The following ADCY8 variants were observed in gnomAD, a reference collection of about 807,000 sequenced individuals.
The protein encoded by ADCY8 is adenylate cyclase 8, also known as adenylate cyclase type 8.
ADCY8 carries 51 observed loss-of-function variants against 119.7 expected under a neutral mutation model. The observed-to-expected ratio is 0.43, with a 90% CI of 0.34 to 0.54. ADCY8 has a LOEUF of 0.54. Among genes scored for constraint, ADCY8 ranks in the 20% least tolerant of loss-of-function variants. The probability of loss-of-function intolerance (pLI) is 0.03; values close to 1 mark genes in which losing one functional copy is unlikely to be tolerated. For missense variants in ADCY8, 1,383 were observed against 1,598.8 expected (o/e 0.87, Z 2.30); for synonymous variants, 665 against 651.0 (o/e 1.02, Z -0.33).
intron 5 of ADCY8, among the ~76,000 whole-genome samples, chr8:130,911,013 CATTT>C (rs1563725468): frequency 1.3e-5 from 2 of 152,128 alleles, no homozygotes; most frequent in Non-Finnish European, 2.9e-5. Flanking sequence ...GTGAGCTATT[CATTT>C]GTCTTTGACA....
At chr8:130,850,571 G>A (rs1423663801) in intron 9 of ADCY8, among the ~76,000 whole-genome samples, 6 of 152,130 alleles carry the variant, frequency 3.9e-5, no homozygotes, top group Admixed American at 3.9e-4. Context: ...AGCCATTCAT[G>A]TTCTACACTG....
At chr8:130,970,234 G>A (rs991814916) in intron 2 of ADCY8, among the ~76,000 whole-genome samples, 3 of 152,142 alleles carry the variant, frequency 2.0e-5, no homozygotes, top group East Asian at 1.9e-4. Context: ...TGGGCAAGCC[G>A]ACAAGGCTTC....
intron 5 of ADCY8, among the ~76,000 whole-genome samples, chr8:130,935,721 C>G (rs545942790): frequency 6.6e-6 from 1 of 152,204 alleles, no homozygotes; most frequent in African/African-American, 2.4e-5. Context: ...TTGCCCACTG[C>G]CTTCTTTCAA....
At chr8:130,909,346 A>G (rs56017199) in intron 6 of ADCY8, among the ~76,000 whole-genome samples, 21,624 of 152,166 alleles carry the variant, frequency 0.14, 1,679 homozygotes, top group Non-Finnish European at 0.18. Context: ...GCCCATTACA[A>G]TTCACTGAAG....
rs199852701 is a variant in ADCY8 at position 130,967,701 on chromosome 8, G to GT, written c.1111-15704dup. Among the ~76,000 whole-genome samples the GT allele has an allele frequency of 2.6e-3, 397 of 151,036 alleles. 1 individual carries two copies. Among genetic ancestry groups the GT allele is most frequent in the South Asian group, 5.0e-3 (24 of 4,760 alleles). On this transcript the variant is annotated intron_variant, in intron 2 of 17. Transcript: ENST00000286355. ...AGGTATTCAGGTTTCATATTTTGTT[G>GT]TTTTTTTTTCTTTTTATGTTTTTAA...
At chr8:130,783,285 C>T (rs925379070) in intron 17 of ADCY8, among the ~76,000 whole-genome samples, 3 of 152,174 alleles carry the variant, frequency 2.0e-5, no homozygotes, top group African/African-American at 7.2e-5. Flanking sequence ...CTGCTTTTGT[C>T]TGAAGGAATT....
intron 1 of ADCY8, among the ~76,000 whole-genome samples, chr8:131,011,869 G>C (rs1234204678): frequency 6.6e-6 from 1 of 152,146 alleles, no homozygotes; most frequent in African/African-American, 2.4e-5. Context: ...GAGCCATCTT[G>C]CAGTCAATAC....
At chr8:130,836,718 T>A (rs562506514) in intron 11 of ADCY8, among the ~76,000 whole-genome samples, 1 of 152,278 alleles carries the variant, frequency 6.6e-6, no homozygotes, top group African/African-American at 2.4e-5. Flanking sequence ...CAGGCCATCC[T>A]AAGTTGGTAG....
At chr8:131,022,792 G>A (rs1215497393) in intron 1 of ADCY8, among the ~76,000 whole-genome samples, 1 of 152,108 alleles carries the variant, frequency 6.6e-6, no homozygotes, top group East Asian at 1.9e-4. Flanking sequence ...TCTTTCTTGT[G>A]TTTGTATTCT....
At chr8:130,869,257 A>G (rs529380966) in intron 8 of ADCY8, among the ~76,000 whole-genome samples, 37 of 152,286 alleles carry the variant, frequency 2.4e-4, no homozygotes, top group African/African-American at 8.9e-4. Context: ...GGCTCTGAAG[A>G]ATCACTTTAA....
At chr8:130,924,292 T>G (rs1439892605) in intron 5 of ADCY8, among the ~76,000 whole-genome samples, 1 of 152,086 alleles carries the variant, frequency 6.6e-6, no homozygotes, top group Non-Finnish European at 1.5e-5. Context: ...GAGCGTTAGT[T>G]TGGAGTTCCA....
intron 12 of ADCY8, among the ~76,000 whole-genome samples, chr8:130,826,257 GA>G (rs1249162081): frequency 6.6e-6 from 1 of 152,190 alleles, no homozygotes. Flanking sequence ...TGATAAATTA[GA>G]AAGAGACATA....
At chr8:130,922,784 G>A (rs1820355635) in intron 5 of ADCY8, among the ~76,000 whole-genome samples, 4 of 152,272 alleles carry the variant, frequency 2.6e-5, no homozygotes, top group Middle Eastern at 3.4e-3. Context: ...GGCATAGTCT[G>A]TTTCAAATAT....
intron 11 of ADCY8, among the ~76,000 whole-genome samples, chr8:130,846,640 T>G: frequency 1.0e-5 from 1 of 96,322 alleles, no homozygotes; most frequent in South Asian, 6.9e-4. Flanking sequence ...TTCTCCTTCC[T>G]TCCCTCCTTC....
At chr8:130,924,841 A>G (rs1486776594) in intron 5 of ADCY8, among the ~76,000 whole-genome samples, 1 of 152,252 alleles carries the variant, frequency 6.6e-6, no homozygotes, top group East Asian at 1.9e-4. Context: ...TATCTTCTAG[A>G]ATTTTTATGA....
chr8:130,984,733 T>C (rs967669489), intron 2 of ADCY8, among the ~76,000 whole-genome samples: 9 of 152,142 alleles, frequency 5.9e-5, no homozygotes, highest in South Asian at 4.1e-4. Flanking sequence ...GGGACCATGG[T>C]TGATGTGAAA....
chr8:130,822,575 CAT>C, intron 12 of ADCY8, among the ~76,000 whole-genome samples: 1 of 152,040 alleles, frequency 6.6e-6, no homozygotes, highest in Non-Finnish European at 1.5e-5. Flanking sequence ...TCCATCCATC[CAT>C]CCATCCATCC....
At chr8:130,998,891 C>T (rs972925934) in intron 1 of ADCY8, among the ~76,000 whole-genome samples, 9 of 152,128 alleles carry the variant, frequency 5.9e-5, no homozygotes, top group Admixed American at 1.3e-4. Flanking sequence ...TTTGGCCATA[C>T]TGAGACCCAC....
Position 130,886,150 on chromosome 8 carries a change from A to G in ADCY8, c.1912-1389T>C, listed in dbSNP as rs201408499. 1.4e-4 allele frequency among the ~76,000 whole-genome samples: 22 copies of G among 152,198 alleles called. 1 individual carries two copies. The East Asian group carries it at 2.9e-3, about 20-fold the overall frequency. On this transcript the variant is annotated intron_variant, in intron 7 of 17. Transcript: ENST00000286355. ...AAGGTAATCAATGTAACATAAATTC[A>G]AAGCTTCTAAAGCATTCTATAGCAA...
Sources: gnomAD v4.1 joint callset for allele counts (sites outside exome capture counted in the v4.1 genomes callset) on GRCh38, gnomAD v4.1.1 for gene constraint, MANE v1.5 for transcripts, NCBI Gene and HGNC (gene_info 2026-07-23, HGNC 2026-07-21) for gene names.